Variants in RGS6 observed in about 807,000 individuals in gnomAD.
The protein encoded by RGS6 is regulator of G protein signaling 6, also known as regulator of G-protein signaling 6.
Under a neutral mutation model 78.5 loss-of-function variants are expected in RGS6, and 30 were observed. The ratio of observed to expected loss-of-function variants is 0.38; its 90% confidence interval spans 0.29 to 0.52. RGS6 has a LOEUF of 0.52. Among genes scored for constraint, RGS6 ranks in the 20% least tolerant of loss-of-function variants. The pLI is 0.85. For missense variants in RGS6, 495 were observed against 609.7 expected, an observed-to-expected ratio of 0.81 and a Z score of 1.98; for synonymous variants, 206 against 206.0, an observed-to-expected ratio of 1.00 and a Z score of 0.00.
At chr14:71,877,544 T>C in the RGS6 span, among the ~76,000 whole-genome samples, 1 of 152,214 alleles carries the variant, frequency 6.6e-6, no homozygotes, top group Non-Finnish European at 1.5e-5. Context: ...TTTAAGGTCT[T>C]CTCTACACTG....
At chr14:72,297,446 T>G (rs1001702325) in intron 2 of RGS6, among the ~76,000 whole-genome samples, 4 of 151,250 alleles carry the variant, frequency 2.6e-5, no homozygotes, top group Non-Finnish European at 4.4e-5. Context: ...TTTTATACTT[T>G]AAGTTTTAGG....
chr14:72,504,921 A>ATTTTTTTTTTT (rs34953560), intron 13 of RGS6, among the ~76,000 whole-genome samples: 27 of 76,076 alleles, frequency 3.5e-4, no homozygotes, highest in African/African-American at 7.7e-4. Flanking sequence ...CGCCCAGCTA[A>ATTTTTTTTTTT]TTTTTTTTTT....
chr14:71,934,995 G>T (rs2088796695), intron 1 of RGS6, among the ~76,000 whole-genome samples: 1 of 152,154 alleles, frequency 6.6e-6, no homozygotes, highest in African/African-American at 2.4e-5. Context: ...CTTTAGCTTT[G>T]CAGTTAGCTT....
At chr14:72,279,835 A>G (rs2061294402) in intron 2 of RGS6, among the ~76,000 whole-genome samples, 1 of 152,216 alleles carries the variant, frequency 6.6e-6, no homozygotes, top group African/African-American at 2.4e-5. Flanking sequence ...TGTAGAATAG[A>G]GAAGACAAAG....
At chr14:71,909,520 T>G in the RGS6 span, among the ~76,000 whole-genome samples, 1 of 143,010 alleles carries the variant, frequency 7.0e-6, no homozygotes, top group Non-Finnish European at 1.5e-5. Context: ...ACAGAGGGTG[T>G]GGGGAGAGAA....
chr14:71,910,131 A>C, the RGS6 span, among the ~76,000 whole-genome samples: 2 of 152,198 alleles, frequency 1.3e-5, no homozygotes, highest in Admixed American at 1.3e-4. Flanking sequence ...CAGAGTTTGC[A>C]GTGAGCCAAG....
At chr14:72,077,129 A>C (rs902825180) in intron 2 of RGS6, among the ~76,000 whole-genome samples, 18 of 151,972 alleles carry the variant, frequency 1.2e-4, no homozygotes, top group Admixed American at 4.6e-4. Context: ...TAACCCTTTC[A>C]AACTTTGTAT....
At chr14:72,308,240 A>T (rs2067705428) in intron 2 of RGS6, among the ~76,000 whole-genome samples, 1 of 152,164 alleles carries the variant, frequency 6.6e-6, no homozygotes, top group Non-Finnish European at 1.5e-5. Flanking sequence ...CTTGATTTTA[A>T]CAAAAATGCT....
chr14:72,547,929 C>T (rs1384452100), intron 17 of RGS6, among the ~76,000 whole-genome samples: 1 of 152,194 alleles, frequency 6.6e-6, no homozygotes, highest in Non-Finnish European at 1.5e-5. Context: ...ATACATTTCC[C>T]ACTCCAGAAA....
chr14:72,580,905 GCATGAGC>G, the RGS6 span, among the ~76,000 whole-genome samples: 1 of 152,184 alleles, frequency 6.6e-6, no homozygotes, highest in Non-Finnish European at 1.5e-5. Context: ...CAAGAACAAG[GCATGAGC>G]CACCTTCTCA....
chr14:72,208,131 A>G (rs2043132029), intron 2 of RGS6, among the ~76,000 whole-genome samples: 1 of 152,234 alleles, frequency 6.6e-6, no homozygotes, highest in Admixed American at 6.5e-5. Flanking sequence ...TCAGAAGAGA[A>G]CACAAAACCC....
chr14:72,276,545 T>C (rs2060700693), intron 2 of RGS6, among the ~76,000 whole-genome samples: 1 of 152,204 alleles, frequency 6.6e-6, no homozygotes, highest in Non-Finnish European at 1.5e-5. Context: ...CATCTTGAAT[T>C]GTAGCTCCCA....
intron 3 of RGS6, among the ~76,000 whole-genome samples, chr14:72,438,664 A>AAAC (rs2095052094): frequency 1.3e-5 from 2 of 152,162 alleles, no homozygotes; most frequent in Admixed American, 1.3e-4. Context: ...TCTTGATTTC[A>AAAC]CCATATCACC....
chr14:71,996,527 C>G (rs1331895618), intron 2 of RGS6, among the ~76,000 whole-genome samples: 1 of 152,078 alleles, frequency 6.6e-6, no homozygotes, highest in South Asian at 2.1e-4. Flanking sequence ...GACCCTGACT[C>G]AGCCTGAGGT....
chr14:72,122,651 A>G, intron 2 of RGS6, among the ~76,000 whole-genome samples: 1 of 152,068 alleles, frequency 6.6e-6, no homozygotes, highest in East Asian at 1.9e-4. Flanking sequence ...AAATAAGAGC[A>G]GGGACATCAC....
At chr14:72,194,765 T>C (rs1471568724) in intron 2 of RGS6, among the ~76,000 whole-genome samples, 1 of 152,006 alleles carries the variant, frequency 6.6e-6, no homozygotes, top group Non-Finnish European at 1.5e-5. Flanking sequence ...AAGAAAAAAA[T>C]AGAGCAGAAG....
intron 2 of RGS6, among the ~76,000 whole-genome samples, chr14:72,208,830 C>G (rs932466941): frequency 1.3e-5 from 2 of 152,158 alleles, no homozygotes; most frequent in Non-Finnish European, 2.9e-5. Context: ...TACATCATGT[C>G]TTTTAATCAG....
At chr14:72,350,130 G>A (rs2078841981) in intron 2 of RGS6, among the ~76,000 whole-genome samples, 1 of 152,206 alleles carries the variant, frequency 6.6e-6, no homozygotes, top group Non-Finnish European at 1.5e-5. Context: ...CTAACAGAAT[G>A]CAGGTCTTCA....
chr14:71,884,632 C>T, the RGS6 span, among the ~76,000 whole-genome samples: 1 of 152,120 alleles, frequency 6.6e-6, no homozygotes, highest in African/African-American at 2.4e-5. Flanking sequence ...GTGATCCTGT[C>T]TTCTAAGCCA....
Sources: allele counts gnomAD v4.1 joint callset (sites outside exome capture counted in the v4.1 genomes callset), GRCh38; gene constraint gnomAD v4.1.1; transcripts MANE v1.5; gene names NCBI Gene and HGNC (gene_info 2026-07-23, HGNC 2026-07-21).